The following ZNF609 variants were observed in gnomAD, a reference collection of about 807,000 sequenced individuals.
The protein encoded by ZNF609 is zinc finger protein 609.
Under a neutral mutation model 109.5 loss-of-function variants are expected in ZNF609, and 11 were observed. The observed-to-expected ratio is 0.10, with a 90% confidence interval of 0.06 to 0.17. The LOEUF is 0.17. Among genes scored for constraint, ZNF609 ranks in the 10% least tolerant of loss-of-function variants. ZNF609 has a pLI of 1.00. For missense variants in ZNF609, 1,559 were observed against 1,772.4 expected, an observed-to-expected ratio of 0.88 and a Z score of 2.16; for synonymous variants, 646 against 662.0, an observed-to-expected ratio of 0.98 and a Z score of 0.37.
At chr15:64,577,014 A>G (rs1894977945) in intron 2 of ZNF609, among the ~76,000 whole-genome samples, 1 of 128,670 alleles carries the variant, frequency 7.8e-6, no homozygotes, top group African/African-American at 2.8e-5. Context: ...ATATGTATGT[A>G]TACACATAAA....
At chr15:64,670,636 TG>T (rs1442806446) in intron 4 of ZNF609, among the ~76,000 whole-genome samples, 1 of 152,012 alleles carries the variant, frequency 6.6e-6, no homozygotes, top group African/African-American at 2.4e-5. Context: ...CCCAGCACTT[TG>T]GGAGGCTGAG....
intron 1 of ZNF609, among the ~76,000 whole-genome samples, chr15:64,482,415 T>C (rs982726366): frequency 6.6e-6 from 1 of 152,064 alleles, no homozygotes; most frequent in African/African-American, 2.4e-5. Flanking sequence ...CTTGATTAAA[T>C]CAGTAAACTT....
At chr15:64,462,951 A>G (rs924942431) in intron 1 of ZNF609, among the ~76,000 whole-genome samples, 2 of 152,226 alleles carry the variant, frequency 1.3e-5, no homozygotes, top group Non-Finnish European at 2.9e-5. Context: ...ATGTACTATT[A>G]GTTGTGTAAA....
chr15:64,599,245 CTAATTGCAT>C (rs1391154783), intron 2 of ZNF609, among the ~76,000 whole-genome samples: 2 of 134,682 alleles, frequency 1.5e-5, no homozygotes, highest in Non-Finnish European at 3.1e-5. Context: ...TTAAAAACAC[CTAATTGCAT>C]TAATCTCTGC....
In ZNF609 at chr15:64,480,809, T is replaced by TA. The variant is rs59824122; in HGVS notation, c.-127-18481dup. On this transcript the variant is annotated intron_variant, in intron 1 of 9. Transcript: ENST00000326648. ...AATAATGGGACTGAACTTGAAATGT[T>TA]AAAGGAATTGGAGAAGCTGCAAAAT... is the stretch of plus-strand genomic sequence containing the variant. Among the ~76,000 whole-genome samples, 12 of 152,348 alleles carry TA rather than the reference T, an allele frequency of 7.9e-5. No individual in the cohort carries two copies. The East Asian group carries it at 2.3e-3, about 29-fold the overall frequency.
chr15:64,494,313 T>G (rs1012677184), intron 1 of ZNF609, among the ~76,000 whole-genome samples: 1 of 152,212 alleles, frequency 6.6e-6, no homozygotes, highest in Non-Finnish European at 1.5e-5. Context: ...GGAGAATCTT[T>G]TATGTATTTG....
intron 2 of ZNF609, among the ~76,000 whole-genome samples, chr15:64,511,195 G>A (rs1407907906): frequency 1.3e-5 from 2 of 151,898 alleles, no homozygotes; most frequent in African/African-American, 4.8e-5. Context: ...ATAGGGGCCA[G>A]GCTCGGTGGC....
intron 2 of ZNF609, among the ~76,000 whole-genome samples, chr15:64,581,251 C>G (rs1895099414): frequency 6.6e-6 from 1 of 152,050 alleles, no homozygotes; most frequent in African/African-American, 2.4e-5. Context: ...TTAGGGCCTT[C>G]TCAGTACTTT....
chr15:64,489,548 T>C (rs1266917845), intron 1 of ZNF609, among the ~76,000 whole-genome samples: 1 of 80,846 alleles, frequency 1.2e-5, no homozygotes, highest in South Asian at 3.7e-4. Flanking sequence ...TTTTTTTTTT[T>C]AGACGGAGTC....
At chr15:64,635,635 T>G (rs974709372) in intron 3 of ZNF609, among the ~76,000 whole-genome samples, 1 of 152,210 alleles carries the variant, frequency 6.6e-6, no homozygotes, top group Non-Finnish European at 1.5e-5. Context: ...CTGGTCTTAG[T>G]GCTTACACTG....
chr15:64,582,385 C>T (rs2140427622), intron 2 of ZNF609, among the ~76,000 whole-genome samples: 1 of 152,326 alleles, frequency 6.6e-6, no homozygotes. Context: ...TCTTCCATCA[C>T]TCATTTCTAC....
intron 2 of ZNF609, among the ~76,000 whole-genome samples, chr15:64,561,079 G>T (rs923111384): frequency 4.6e-5 from 7 of 152,028 alleles, no homozygotes; most frequent in African/African-American, 1.5e-4. Context: ...ACCCACATAG[G>T]CTTTATATCT....
chr15:64,596,433 C>T (rs764141854), intron 2 of ZNF609, among the ~76,000 whole-genome samples: 28 of 152,172 alleles, frequency 1.8e-4, no homozygotes, highest in Non-Finnish European at 2.9e-4. Flanking sequence ...AGATTACAGG[C>T]GTGAGCCACC....
chr15:64,590,212 G>GT (rs1441745462), intron 2 of ZNF609, among the ~76,000 whole-genome samples: 2 of 152,126 alleles, frequency 1.3e-5, no homozygotes, highest in East Asian at 3.8e-4. Context: ...ATTGTGCTCA[G>GT]TATTGAAGTT....
At chr15:64,549,818 C>T (rs1206191500) in intron 2 of ZNF609, among the ~76,000 whole-genome samples, 1 of 152,154 alleles carries the variant, frequency 6.6e-6, no homozygotes, top group African/African-American at 2.4e-5. Context: ...TGGGATCTCA[C>T]TCTGTCATCC....
chr15:64,642,828 C>A (rs1053798104), intron 3 of ZNF609, among the ~76,000 whole-genome samples: 1 of 152,128 alleles, frequency 6.6e-6, no homozygotes, highest in Non-Finnish European at 1.5e-5. Flanking sequence ...TTTTCATTTT[C>A]TGTAAATCTA....
At chr15:64,461,286 A>C (rs886211448) in intron 1 of ZNF609, among the ~76,000 whole-genome samples, 1 of 151,496 alleles carries the variant, frequency 6.6e-6, no homozygotes, top group South Asian at 2.1e-4. Flanking sequence ...TGCGTGACCT[A>C]GGAGTGGGGA....
intron 2 of ZNF609, among the ~76,000 whole-genome samples, chr15:64,529,978 C>T (rs1017326362): frequency 1.3e-5 from 2 of 151,888 alleles, no homozygotes; most frequent in Non-Finnish European, 2.9e-5. Context: ...GATCCACCCA[C>T]CTCGGCCTCC....
At chr15:64,616,439 A>G (rs550531656) in intron 2 of ZNF609, among the ~76,000 whole-genome samples, 6 of 150,124 alleles carry the variant, frequency 4.0e-5, no homozygotes, top group South Asian at 2.1e-4. Context: ...GCCTTTCTCT[A>G]TTCTCTCAAG....
Sources: allele counts gnomAD v4.1 joint callset (sites outside exome capture counted in the v4.1 genomes callset), GRCh38; gene constraint gnomAD v4.1.1; transcripts MANE v1.5; gene names NCBI Gene and HGNC (gene_info 2026-07-23, HGNC 2026-07-21).